ADGRL4: variants seen among roughly 807,000 people sequenced by gnomAD.
ADGRL4 encodes EGF, latrophilin and seven transmembrane domain containing 1.
A neutral mutation model predicts 74.8 loss-of-function variants in ADGRL4; 90 were observed. The observed-to-expected ratio is 1.20, with a 90% CI of 1.02 to 1.43. The LOEUF (loss-of-function observed/expected upper bound fraction) is 1.43, where lower values mean the gene tolerates loss of function less well. Ranked by LOEUF, ADGRL4 falls within the 40% of genes most tolerant of loss-of-function variation. The pLI is 0.00. For synonymous variants in ADGRL4, 311 were observed against 279.2 expected (o/e 1.11, Z -1.14); for missense variants, 881 against 814.3 (o/e 1.08, Z -1.00).
At position 78,936,290 on chromosome 1, in the gene ADGRL4, C is replaced by T; in HGVS notation, c.877+5G>A. On this transcript the variant is annotated splice_donor_5th_base_variant and intron_variant, in intron 7 of 14. Coordinates refer to ENST00000370742, the MANE Select transcript of ADGRL4 (RefSeq NM_022159.4). ...ATATTGTCTGTTAGATTGTTAAAGTCCTACCATTTGAATCATATGCAGCTT... is the reference window on the plus strand; with the variant it reads ...ATATTGTCTGTTAGATTGTTAAAGTTCTACCATTTGAATCATATGCAGCTT... 1 of 1,587,496 alleles carries T rather than the reference C, an allele frequency of 6.3e-7. No individual in the cohort carries two copies. The highest frequency in any genetic ancestry group is 1.2e-5 in the South Asian group (1 of 86,256).
intron 2 of ADGRL4, among the ~76,000 whole-genome samples, chr1:78,981,578 T>C (rs190562328): frequency 6.6e-6 from 1 of 152,068 alleles, no homozygotes; most frequent in Admixed American, 6.6e-5. Context: ...TAATTCATAG[T>C]GTTTATAGTA....
chr1:78,968,101 T>A (rs916095461), intron 2 of ADGRL4, among the ~76,000 whole-genome samples: 1 of 152,148 alleles, frequency 6.6e-6, no homozygotes, highest in African/African-American at 2.4e-5. Context: ...AAAGCTAACA[T>A]ATATTCCAAA....
intron 12 of ADGRL4, among the ~76,000 whole-genome samples, chr1:78,895,110 G>A (rs188249642): frequency 2.3e-3 from 346 of 151,998 alleles, no homozygotes; most frequent in Non-Finnish European, 3.2e-3. Context: ...CTGGGCAAGT[G>A]GGAGACTAAT....
intron 2 of ADGRL4, among the ~76,000 whole-genome samples, chr1:78,966,251 T>C (rs1273880674): frequency 5.9e-5 from 9 of 152,188 alleles, no homozygotes; most frequent in Admixed American, 5.9e-4. Flanking sequence ...CAGGATTCAA[T>C]CTGTGATCGG....
intron 2 of ADGRL4, among the ~76,000 whole-genome samples, chr1:78,972,706 A>AT (rs1650194251): frequency 1.3e-5 from 2 of 152,244 alleles, no homozygotes; most frequent in Admixed American, 6.5e-5. Flanking sequence ...ATTCTATTCA[A>AT]TTTTCTGTTT....
At chr1:78,942,293 T>C (rs771477357) in intron 3 of ADGRL4, among the ~76,000 whole-genome samples, 2 of 151,392 alleles carry the variant, frequency 1.3e-5, no homozygotes, top group African/African-American at 4.8e-5. Flanking sequence ...TGCCACCTGA[T>C]ACTGTAACTG....
intron 2 of ADGRL4, among the ~76,000 whole-genome samples, chr1:78,964,778 C>T (rs1397493740): frequency 6.6e-6 from 1 of 152,070 alleles, no homozygotes; most frequent in Non-Finnish European, 1.5e-5. Flanking sequence ...CTGTTAAACT[C>T]ATCAAATAAA....
chr1:78,918,243 C>T (rs1037881773), intron 10 of ADGRL4, among the ~76,000 whole-genome samples, 193 bp from the exon 11 acceptor site: 4 of 151,762 alleles, frequency 2.6e-5, no homozygotes, highest in South Asian at 2.1e-4. Flanking sequence ...GTTTCATCAG[C>T]GTGAAATATT....
intron 2 of ADGRL4, among the ~76,000 whole-genome samples, chr1:78,952,108 CT>C (rs572978181): frequency 2.0e-5 from 3 of 151,688 alleles, no homozygotes; most frequent in Admixed American, 1.3e-4. Flanking sequence ...AAAGAATCGT[CT>C]TTTTTTTATC....
chr1:78,948,889 T>C (rs1322309946), intron 2 of ADGRL4, among the ~76,000 whole-genome samples: 1 of 152,062 alleles, frequency 6.6e-6, no homozygotes, highest in Non-Finnish European at 1.5e-5. Context: ...TAAGTAAAAA[T>C]TAATCAAAAA....
At chr1:78,946,553 C>T (rs1426614999) in intron 2 of ADGRL4, 127 bp from the exon 3 acceptor site, 2 of 723,158 alleles carry the variant, frequency 2.8e-6, no homozygotes, top group South Asian at 2.2e-5. Context: ...ATCTACAAAC[C>T]TTAGTGCTAA....
intron 2 of ADGRL4, among the ~76,000 whole-genome samples, chr1:79,001,344 A>C (rs115882611): frequency 0.011 from 1,598 of 152,188 alleles, 25 homozygotes; most frequent in African/African-American, 0.036. Flanking sequence ...AGGACAAGAA[A>C]AGTTTCAGAT....
intron 12 of ADGRL4, among the ~76,000 whole-genome samples, chr1:78,900,114 G>GTCT: frequency 6.6e-6 from 1 of 152,216 alleles, no homozygotes; most frequent in African/African-American, 2.4e-5. Flanking sequence ...AGCTGTTGCT[G>GTCT]GCTTTGAAGA....
chr1:78,915,045 T>C (rs1044690514), intron 12 of ADGRL4, among the ~76,000 whole-genome samples: 1 of 151,928 alleles, frequency 6.6e-6, no homozygotes, highest in Non-Finnish European at 1.5e-5. Flanking sequence ...ATTCAACCCA[T>C]TCTCTTCATT....
chr1:78,974,008 A>G (rs1235540239), intron 2 of ADGRL4, among the ~76,000 whole-genome samples: 1 of 152,114 alleles, frequency 6.6e-6, no homozygotes, highest in Non-Finnish European at 1.5e-5. Flanking sequence ...GTTTGATTCA[A>G]TACACTGCAT....
At chr1:78,930,288 T>C (rs1254293052) in intron 7 of ADGRL4, among the ~76,000 whole-genome samples, 4 of 150,592 alleles carry the variant, frequency 2.7e-5, no homozygotes, top group Non-Finnish European at 5.9e-5. Flanking sequence ...TTACAATTCC[T>C]ATTTTCTCAA....
chr1:78,920,082 C>T, intron 10 of ADGRL4, 101 bp downstream of exon 10: 2 of 835,956 alleles, frequency 2.4e-6, no homozygotes, highest in Non-Finnish European at 3.6e-6. Context: ...AGAACGTCTG[C>T]CCCATTAAAC....
intron 10 of ADGRL4, among the ~76,000 whole-genome samples, chr1:78,918,350 A>G (rs1648928397): frequency 6.6e-6 from 1 of 151,912 alleles, no homozygotes; most frequent in African/African-American, 2.4e-5. Context: ...ATTCTCATGT[A>G]AACCATGGTA....
intron 2 of ADGRL4, among the ~76,000 whole-genome samples, chr1:78,951,547 T>TTA (rs746316125): frequency 4.6e-5 from 7 of 152,230 alleles, no homozygotes; most frequent in Non-Finnish European, 1.0e-4. Context: ...TATTTTGGAG[T>TTA]TATATCAACA....
Sources: gnomAD v4.1 joint callset for allele counts (sites outside exome capture counted in the v4.1 genomes callset) on GRCh38, gnomAD v4.1.1 for gene constraint, MANE v1.5 for transcripts, NCBI Gene and HGNC (gene_info 2026-07-23, HGNC 2026-07-21) for gene names.